Variants in CCDC148 observed in about 807,000 individuals in gnomAD.
CCDC148 encodes coiled-coil domain containing 148.
Under a neutral mutation model 85.7 loss-of-function variants are expected in CCDC148, and 89 were observed. The ratio of observed to expected loss-of-function variants is 1.04; its 90% confidence interval spans 0.87 to 1.24. CCDC148 has a LOEUF of 1.24. Ranked by LOEUF, CCDC148 falls within the 50% of genes most tolerant of loss-of-function variation. The pLI is 0.00. For missense variants in CCDC148, 692 were observed against 671.7 expected (o/e 1.03, Z -0.33); for synonymous variants, 230 against 213.9 (o/e 1.08, Z -0.66).
chr2:158,371,001 T>C (rs914212440), intron 1 of CCDC148, among the ~76,000 whole-genome samples: 14 of 152,104 alleles, frequency 9.2e-5, no homozygotes, highest in African/African-American at 3.1e-4. Context: ...ATTACTACTT[T>C]ATGATTGAGC....
chr2:158,309,655 A>G lies in CCDC148; in HGVS notation c.904-16T>C, dbSNP rs755943015. 67 of 1,561,758 alleles carry G rather than the reference A, an allele frequency of 4.3e-5. No homozygotes were observed. Among genetic ancestry groups the G allele is most frequent in the Non-Finnish European group, 5.5e-5 (62 of 1,135,440 alleles). ...CGTGTTCAACCTGAAAAGATAACAG[A>G]GGGTGAATACTTATCATTATGAAAA... On this transcript the variant is annotated splice_polypyrimidine_tract_variant and intron_variant, in intron 8 of 13. Coordinates refer to ENST00000283233, the MANE Select transcript of CCDC148 (RefSeq NM_138803.4).
intron 1 of CCDC148, among the ~76,000 whole-genome samples, chr2:158,391,899 T>C (rs1199652047): frequency 1.3e-5 from 2 of 152,048 alleles, no homozygotes; most frequent in Non-Finnish European, 2.9e-5. Context: ...TGTGAGGGGA[T>C]GAGACCTGGA....
At position 158,215,550 on chromosome 2, in the gene CCDC148, T is replaced by C. The variant is rs770842253; in HGVS notation, c.1370+5045A>G. The stretch of plus-strand genomic sequence containing the variant: ...CACCTTTTTCTTTTTTTTCTTTTTT[T>C]TTTTAAATTATACTTTAAAGTTCTA... On this transcript the variant is annotated intron_variant, in intron 11 of 13. Transcript: ENST00000283233. Among the ~76,000 whole-genome samples the C allele has an allele frequency of 5.1e-4, 77 of 152,228 alleles. 3 individuals are homozygous for C. The highest frequency in any genetic ancestry group is 1.1e-3 in the Non-Finnish European group (73 of 68,016).
chr2:158,209,073 TATAC>T (rs1311594356), intron 11 of CCDC148, among the ~76,000 whole-genome samples: 1 of 150,792 alleles, frequency 6.6e-6, no homozygotes, highest in Admixed American at 6.6e-5. Flanking sequence ...ATATGTTATA[TATAC>T]ATACATACAT....
chr2:158,234,248 C>T (rs542376556), intron 10 of CCDC148, among the ~76,000 whole-genome samples: 1 of 152,082 alleles, frequency 6.6e-6, no homozygotes, highest in South Asian at 2.1e-4. Flanking sequence ...AAACTCTCTA[C>T]ATGAGTAAGA....
chr2:158,451,310 C>A (rs953819082), intron 1 of CCDC148, among the ~76,000 whole-genome samples: 1 of 152,102 alleles, frequency 6.6e-6, no homozygotes, highest in African/African-American at 2.4e-5. Context: ...ATTTCAGTCA[C>A]ACTTTCCTGT....
intron 11 of CCDC148, among the ~76,000 whole-genome samples, chr2:158,211,821 G>T: frequency 6.6e-6 from 1 of 152,146 alleles, no homozygotes; most frequent in African/African-American, 2.4e-5. Context: ...AAGCTTGCTT[G>T]TTCATTTTCA....
In CCDC148 at chr2:158,350,305, AAC is replaced by A. The variant is rs1311357925; in HGVS notation, c.148-4989_148-4988del. Among the ~76,000 whole-genome samples the A allele has an allele frequency of 2.0e-4, 30 of 152,324 alleles. No individual in the cohort carries two copies. The Middle Eastern group carries it at 0.014, about 69-fold the overall frequency. ...TTCACTTTGATAAAATACTGATTTTAACACTCAACCATTCTACATTCAGCCAA... is the reference window on the plus strand; with the variant it reads ...TTCACTTTGATAAAATACTGATTTTAACTCAACCATTCTACATTCAGCCAA... On this transcript the variant is annotated intron_variant, in intron 2 of 13. Coordinates refer to ENST00000283233, the MANE Select transcript of CCDC148 (RefSeq NM_138803.4).
chr2:158,171,648 A>G lies in CCDC148; in HGVS notation c.*465T>C, dbSNP rs2105253497. ...GTACCAAATTGGTTTCTAAATTTAG[A>G]GAAAGGTTGAGTCTCCTCTTATAAT... On this transcript the variant is annotated 3_prime_UTR_variant, in exon 14 of 14. Coordinates refer to ENST00000283233, the MANE Select transcript of CCDC148 (RefSeq NM_138803.4). 6.6e-6 allele frequency: 1 copy of G among 152,094 alleles called. No homozygotes were observed. Among genetic ancestry groups the G allele is most frequent in the East Asian group, 1.9e-4 (1 of 5,142 alleles). The allele number at this position is 152,094 out of a possible 1,614,324, so 9.4% of individuals were successfully genotyped here.
chr2:158,178,935 G>T lies in CCDC148; in HGVS notation c.1432C>A (p.Gln478Lys). Residue 478 changes from glutamine (Q) to lysine (K), a missense_variant, in exon 12 of 14, where the codon CAA becomes AAA. Physicochemically the swap from Gln to Lys is moderately conservative, Grantham distance 53. Transcript: ENST00000283233. ...RLMEKKEVAL[Q>K]EAHEDKERAR... is the part of the protein sequence containing the mutation. ...CTCTCTTTGTCTTCATGAGCTTCTT[G>T]AAGGGCCACTTCCTTTTTCTCCATC... 6.2e-7 allele frequency: 1 copy of T among 1,613,562 alleles called. No homozygotes were observed. The highest frequency in any genetic ancestry group is 1.1e-5 in the South Asian group (1 of 91,052).
At chr2:158,308,035 A>G (rs1691779963) in intron 9 of CCDC148, among the ~76,000 whole-genome samples, 2 of 152,156 alleles carry the variant, frequency 1.3e-5, no homozygotes, top group Admixed American at 6.5e-5. Flanking sequence ...AGACACTTGC[A>G]TTTTCGTCTA....
At chr2:158,336,364 T>A (rs1682377904) in intron 7 of CCDC148, among the ~76,000 whole-genome samples, 1 of 152,212 alleles carries the variant, frequency 6.6e-6, no homozygotes, top group Non-Finnish European at 1.5e-5. Flanking sequence ...TTTTTATTGA[T>A]GCTTCATTAT....
rs7576592 is a variant in CCDC148 at position 158,425,975 on chromosome 2, A to C, written c.25+30440T>G. The stretch of plus-strand genomic sequence containing the variant: ...TCTTGTCTCTGGAAAGCCATCTTTG[A>C]ATTGCTAATTACTTCTTTGACTTTA... On this transcript the variant is annotated intron_variant, in intron 1 of 13. Transcript: ENST00000283233. Among the ~76,000 whole-genome samples the C allele has an allele frequency of 5.3e-3, 806 of 152,224 alleles. 9 individuals carry two copies. The highest frequency in any genetic ancestry group is 0.018 in the African/African-American group (764 of 41,570).
chr2:158,360,691 A>T (rs1683902616), intron 1 of CCDC148, among the ~76,000 whole-genome samples: 1 of 152,172 alleles, frequency 6.6e-6, no homozygotes, highest in Non-Finnish European at 1.5e-5. Flanking sequence ...CAAAGACCAA[A>T]GATAGATAAA....
chr2:158,204,572 C>A (rs4664930), intron 11 of CCDC148, among the ~76,000 whole-genome samples: 23,982 of 152,010 alleles, frequency 0.16, 2,408 homozygotes, highest in Non-Finnish European at 0.22. Flanking sequence ...AATGACAGTT[C>A]CCAGCTACCC....
At chr2:158,427,054 G>C (rs1461161426) in intron 1 of CCDC148, among the ~76,000 whole-genome samples, 1 of 152,002 alleles carries the variant, frequency 6.6e-6, no homozygotes, top group African/African-American at 2.4e-5. Context: ...ATGAATAAAG[G>C]CTTTTGAAAT....
intron 9 of CCDC148, among the ~76,000 whole-genome samples, chr2:158,278,685 G>A (rs907377125): frequency 2.1e-4 from 32 of 152,374 alleles, no homozygotes; most frequent in African/African-American, 6.0e-4. Flanking sequence ...TGTAGGCTCC[G>A]CCTCTGGGGG....
chr2:158,334,074 G>T (rs1203936978), intron 7 of CCDC148, among the ~76,000 whole-genome samples: 1 of 152,140 alleles, frequency 6.6e-6, no homozygotes, highest in East Asian at 1.9e-4. Flanking sequence ...GATATTTACA[G>T]TGAGAACTTG....
At chr2:158,425,277 A>C in intron 1 of CCDC148, 1 of 537,180 alleles carries the variant, frequency 1.9e-6, no homozygotes, top group Non-Finnish European at 3.7e-6. Flanking sequence ...AGGGGGTCGC[A>C]ATCACCAAAA....
Sources: allele counts gnomAD v4.1 joint callset (sites outside exome capture counted in the v4.1 genomes callset), GRCh38; gene constraint gnomAD v4.1.1; transcripts MANE v1.5; gene names NCBI Gene and HGNC (gene_info 2026-07-23, HGNC 2026-07-21).